Variants in SBK1 observed in about 807,000 individuals in gnomAD.
SBK1 encodes the protein serine/threonine-protein kinase SBK1.
Under a neutral mutation model 24.4 loss-of-function variants are expected in SBK1, and 11 were observed. The observed-to-expected ratio is 0.45, with a 90% CI of 0.28 to 0.75. The LOEUF is 0.75. SBK1 is among the 30% of genes least tolerant of loss of function. SBK1 has a pLI of 0.12. For synonymous variants in SBK1, 308 were observed against 284.4 expected (o/e 1.08, Z -0.83); for missense variants, 467 against 620.5 (o/e 0.75, Z 2.63).
chr16:28,272,871 C>T (rs929370035), intron 1 of SBK1, among the ~76,000 whole-genome samples: 9 of 151,776 alleles, frequency 5.9e-5, no homozygotes, highest in African/African-American at 1.9e-4. Flanking sequence ...CCACCCACTT[C>T]GGCCTCCCAA....
intron 1 of SBK1, among the ~76,000 whole-genome samples, chr16:28,300,917 T>G (rs1205129996): frequency 1.3e-5 from 2 of 152,210 alleles, no homozygotes; most frequent in Non-Finnish European, 2.9e-5. Flanking sequence ...GCTCCTAGGC[T>G]GGGCTGTCTT....
At chr16:28,295,156 C>T (rs2044629656) in intron 1 of SBK1, among the ~76,000 whole-genome samples, 1 of 152,136 alleles carries the variant, frequency 6.6e-6, no homozygotes, top group Non-Finnish European at 1.5e-5. Flanking sequence ...TCACTGTGTC[C>T]AGGGCAAACT....
intron 1 of SBK1, among the ~76,000 whole-genome samples, chr16:28,316,985 G>A (rs1057023376): frequency 6.6e-6 from 1 of 152,220 alleles, no homozygotes; most frequent in African/African-American, 2.4e-5. Context: ...TTCGAGACCA[G>A]CCTGGGCCAC....
rs534938110 is a variant in SBK1, at chr16:28,268,273, C to T, written c.257+8771C>T. Reference sequence around the variant, plus strand: ...TTGTTTTTGTGTAGAGATAGAGTCTCACCCTGTCAACTAGGCTGGAGTGCA... The same window carrying T: ...TTGTTTTTGTGTAGAGATAGAGTCTTACCCTGTCAACTAGGCTGGAGTGCA... On this transcript the variant is annotated intron_variant, in intron 1 of 3. Transcript: ENST00000671413. 2.9e-4 allele frequency among the ~76,000 whole-genome samples: 44 copies of T among 152,050 alleles called. 1 individual carries two copies. The highest frequency in any genetic ancestry group is 8.9e-4 in the African/African-American group (37 of 41,494).
rs2044833444 is a variant in SBK1, at chr16:28,320,612, C to G, written c.966C>G (p.Arg322=). 1 of 1,404,666 alleles carries G rather than the reference C, an allele frequency of 7.1e-7. No homozygotes were observed. The highest frequency in any genetic ancestry group is 1.5e-5 in the African/African-American group (1 of 65,346). The allele number at this position is 1,404,666 out of a possible 1,614,324, so 87.0% of individuals were successfully genotyped here. ...FLKHELTSEL[R]RRPSHRARKP... is the part of the protein sequence containing the mutation. ...AGCACGAGCTCACGTCCGAGCTGCGCCGCCGGCCCTCGCACCGCGCGCGCA... is the reference window on the plus strand; with the variant it reads ...AGCACGAGCTCACGTCCGAGCTGCGGCGCCGGCCCTCGCACCGCGCGCGCA... Residue 322 remains arginine (R), a synonymous_variant, in exon 4 of 4, where the codon CGC becomes CGG. Coordinates refer to ENST00000341901, the MANE Select transcript of SBK1 (RefSeq NM_001024401.3). This position sits in a 1 kb window ranked among gnomAD's most constrained non-coding sequence, Gnocchi z 8.5.
rs1433122102 is a variant in SBK1 at position 28,317,606 on chromosome 16, A to G, written c.215A>G (p.Tyr72Cys). Residue 72 changes from tyrosine to cysteine, a missense_variant, in exon 2 of 4, where the codon TAC (tyrosine) becomes TGC (cysteine). Tyr to Cys is a radical substitution (Grantham distance 194, BLOSUM62 -2). Transcript: ENST00000341901. This position sits in a 1 kb window ranked among gnomAD's most constrained non-coding sequence, Gnocchi z 4.2. ...TATGGGAAGGTTGACCTGGTGGTCT[A>G]CAAGGGCACAGGTGAACAAGTGCAG... ...GTYGKVDLVV[Y>C]KGTGTKMALK... The G allele has an allele frequency of 2.5e-6, 4 of 1,611,822 alleles. No homozygotes were observed. The highest frequency in any genetic ancestry group is 1.7e-5 in the Admixed American group (1 of 60,028).
chr16:28,315,773 GT>G (rs893779020), intron 1 of SBK1, among the ~76,000 whole-genome samples: 58 of 149,226 alleles, frequency 3.9e-4, no homozygotes, highest in South Asian at 6.4e-4. Context: ...TACAAATACA[GT>G]TTTTTTTTTG....
chr16:28,280,256 T>C (rs1402338456), intron 1 of SBK1, among the ~76,000 whole-genome samples: 1 of 142,900 alleles, frequency 7.0e-6, no homozygotes, highest in Non-Finnish European at 1.5e-5. Flanking sequence ...TATATCTGTA[T>C]ATATACGTAT....
At chr16:28,308,450 C>CTTTTT (rs59880320) in intron 1 of SBK1, among the ~76,000 whole-genome samples, 2 of 40,010 alleles carry the variant, frequency 5.0e-5, no homozygotes, top group African/African-American at 2.2e-4. Flanking sequence ...CATGCTTGGG[C>CTTTTT]TTTTTTTTTT....
At position 28,320,792 on chromosome 16, in the gene SBK1, AGTGCCCGTGCCGGTGCCT is replaced by A; in HGVS notation, c.1154_1171del (p.Val385_Pro390del). The A allele has an allele frequency of 7.0e-7, 1 of 1,420,342 alleles. No homozygotes were observed. The highest frequency in any genetic ancestry group is 9.2e-7 in the Non-Finnish European group (1 of 1,084,172). 88.0% of individuals were successfully genotyped at this position (1,420,342 alleles called of 1,614,324 possible). On this transcript the variant is annotated inframe_deletion, in exon 4 of 4. Coordinates refer to ENST00000341901, the MANE Select transcript of SBK1 (RefSeq NM_001024401.3). The surrounding 1 kb of genome is among the most constrained non-coding windows in gnomAD (Gnocchi z 8.5). ...CCTTGCCCGTGCCGGTGCCGGTGCCAGTGCCCGTGCCGGTGCCTGTGCCCGAGCCCGGCCTAGCTCCCC... is the reference window on the plus strand; with the variant it reads ...CCTTGCCCGTGCCGGTGCCGGTGCCAGTGCCCGAGCCCGGCCTAGCTCCCC...
chr16:28,320,587 A>G lies in SBK1; in HGVS notation c.941A>G (p.Lys314Arg), dbSNP rs1204253465. The change falls in exon 4 of 4, where the codon AAG (lysine) becomes AGG (arginine). Residue 314 changes from lysine to arginine, a missense_variant. Physicochemically the swap from Lys to Arg is conservative, Grantham distance 26 (BLOSUM62 2). This residue lies in a region of SBK1 where 86 missense variants were observed against 121.7 expected (regional missense o/e 0.71). Transcript: ENST00000341901. This position sits in a 1 kb window ranked among gnomAD's most constrained non-coding sequence, Gnocchi z 8.5. The stretch of plus-strand genomic sequence containing the variant: ...GCCAAGGAGGTGTTCCGCTTCCTCA[A>G]GCACGAGCTCACGTCCGAGCTGCGC... The part of the protein sequence containing the change: ...GPAKEVFRFL[K>R]HELTSELRRR... 3.2e-5 allele frequency: 48 copies of G among 1,512,986 alleles called. No individual in the cohort carries two copies. Among genetic ancestry groups the G allele is most frequent in the Non-Finnish European group, 4.1e-5 (47 of 1,137,322 alleles). 93.7% of individuals were successfully genotyped at this position (1,512,986 alleles called of 1,614,324 possible). A position where few individuals can be genotyped will look rare whatever the true frequency, so the allele number is the denominator to read the frequency against.
intron 1 of SBK1, among the ~76,000 whole-genome samples, chr16:28,269,266 C>T (rs1462258258): frequency 1.3e-5 from 2 of 151,718 alleles, no homozygotes; most frequent in African/African-American, 4.8e-5. Flanking sequence ...AATTCCCGAC[C>T]ACAGGTGATT....
chr16:28,273,035 T>C (rs1597011126), intron 1 of SBK1, among the ~76,000 whole-genome samples: 1 of 152,170 alleles, frequency 6.6e-6, no homozygotes, highest in East Asian at 1.9e-4. Context: ...ATTGTGAATA[T>C]TGTTGTAAAG....
At chr16:28,274,415 C>T (rs750169463) in intron 1 of SBK1, among the ~76,000 whole-genome samples, 2 of 152,090 alleles carry the variant, frequency 1.3e-5, no homozygotes, top group Non-Finnish European at 2.9e-5. Context: ...TTTGGGATGC[C>T]GAGGAAGGCA....
At chr16:28,298,979 G>A (rs2044660770) in intron 1 of SBK1, among the ~76,000 whole-genome samples, 1 of 152,242 alleles carries the variant, frequency 6.6e-6, no homozygotes, top group African/African-American at 2.4e-5. Context: ...AGCATAATTT[G>A]TGACTTTCTG....
intron 1 of SBK1, among the ~76,000 whole-genome samples, chr16:28,274,369 GC>G (rs1443296102): frequency 9.9e-5 from 15 of 152,254 alleles, no homozygotes; most frequent in Admixed American, 7.9e-4. Context: ...TTCTGCTCAG[GC>G]CAGGTGCGAT....
At chr16:28,307,875 C>T (rs2044728213) in intron 1 of SBK1, among the ~76,000 whole-genome samples, 1 of 152,196 alleles carries the variant, frequency 6.6e-6, no homozygotes, top group Non-Finnish European at 1.5e-5. Flanking sequence ...TAGCACCCAC[C>T]TCCCAGGGTT....
intron 1 of SBK1, among the ~76,000 whole-genome samples, chr16:28,300,456 AC>A (rs1439555039): frequency 6.6e-6 from 1 of 151,272 alleles, no homozygotes; most frequent in Non-Finnish European, 1.5e-5. Flanking sequence ...ACTAGCTAGG[AC>A]CACAGGCGCA....
At chr16:28,275,031 GA>G (rs1425847306) in intron 1 of SBK1, among the ~76,000 whole-genome samples, 2 of 152,120 alleles carry the variant, frequency 1.3e-5, no homozygotes, top group Non-Finnish European at 2.9e-5. Context: ...TTGTCCTTAT[GA>G]AGTGGGAAAA....
Sources: allele counts gnomAD v4.1 joint callset (sites outside exome capture counted in the v4.1 genomes callset), GRCh38; gene constraint gnomAD v4.1.1; regional missense constraint gnomAD v4.1.1; non-coding constraint Gnocchi (gnomAD v3.1); transcripts MANE v1.5; gene names NCBI Gene and HGNC (gene_info 2026-07-23, HGNC 2026-07-21).